The following TNRC6A variants were observed in gnomAD, a reference collection of about 807,000 sequenced individuals.
The protein encoded by TNRC6A is trinucleotide repeat-containing gene 6A protein.
Under a neutral mutation model 221.2 loss-of-function variants are expected in TNRC6A, and 44 were observed. That is an observed-to-expected ratio of 0.20 (90% CI 0.16 to 0.26). TNRC6A has a LOEUF of 0.26. Ranked by LOEUF, TNRC6A falls within the 10% of genes least tolerant of loss-of-function variation. The pLI is 1.00. For missense variants in TNRC6A, 2,199 were observed against 2,404.4 expected (o/e 0.91, Z 1.79); for synonymous variants, 847 against 838.5 (o/e 1.01, Z -0.18).
chr16:24,625,366 C>A (rs1900906303), intron 1 of TNRC6A, among the ~76,000 whole-genome samples: 1 of 152,200 alleles, frequency 6.6e-6, no homozygotes, highest in Admixed American at 6.5e-5. Context: ...GTAATCCCAG[C>A]ACTTTGGGAG....
At chr16:24,805,769 A>G (rs1567505511) in intron 15 of TNRC6A, 36 bp downstream of exon 15, 1 of 1,613,718 alleles carries the variant, frequency 6.2e-7, no homozygotes, top group Non-Finnish European at 8.5e-7. Context: ...GTACACATTT[A>G]TGGAGCATCT....
At chr16:24,646,051 T>TA (rs1262142478) in intron 2 of TNRC6A, among the ~76,000 whole-genome samples, 2 of 152,018 alleles carry the variant, frequency 1.3e-5, no homozygotes, top group Admixed American at 6.6e-5. Flanking sequence ...TGATTCATGT[T>TA]AAAAATATGC....
intron 2 of TNRC6A, among the ~76,000 whole-genome samples, chr16:24,737,934 CTG>C: frequency 6.6e-6 from 1 of 152,268 alleles, no homozygotes; most frequent in East Asian, 1.9e-4. Context: ...TGATAATTGA[CTG>C]TATAACTGAT....
intron 5 of TNRC6A, among the ~76,000 whole-genome samples, chr16:24,780,647 G>A (rs1490574776): frequency 6.6e-6 from 1 of 152,132 alleles, no homozygotes; most frequent in African/African-American, 2.4e-5. Flanking sequence ...GCGAAGGAAA[G>A]AGAGAGAATA....
chr16:24,794,471 A>T, intron 7 of TNRC6A, 73 bp from the exon 8 acceptor site: 1 of 1,501,782 alleles, frequency 6.7e-7, no homozygotes, highest in Non-Finnish European at 8.9e-7. Context: ...CCAATTTTTA[A>T]TATATACTTA....
intron 2 of TNRC6A, among the ~76,000 whole-genome samples, chr16:24,651,031 A>G (rs887653652): frequency 6.3e-5 from 9 of 142,944 alleles, no homozygotes; most frequent in Non-Finnish European, 1.1e-4. Context: ...CTATCAAACA[A>G]CGATAAATTG....
At chr16:24,736,161 C>T (rs149216412) in intron 2 of TNRC6A, among the ~76,000 whole-genome samples, 138 of 152,320 alleles carry the variant, frequency 9.1e-4, no homozygotes, top group African/African-American at 3.1e-3. Flanking sequence ...AAAAGCAAAA[C>T]TCTGTCTCAA....
At position 24,805,699 on chromosome 16, in the gene TNRC6A, A is replaced by G. The variant is rs1221377348; in HGVS notation, c.4217A>G (p.Gln1406Arg). ...GTAGCCATGCTGAACCAGCTATCCCAGCTAAACCAGCTTTCTCAGATCTCC... is the reference window on the plus strand; with the variant it reads ...GTAGCCATGCTGAACCAGCTATCCCGGCTAAACCAGCTTTCTCAGATCTCC... ...QQVAMLNQLS[Q>R]LNQLSQISQL... The change falls in exon 15 of 25, where the codon CAG (glutamine) becomes CGG (arginine). Residue 1406 changes from glutamine (Q) to arginine (R), a missense_variant. By Grantham distance (43) the Gln-to-Arg change is conservative (BLOSUM62 1). Coordinates refer to ENST00000395799, the MANE Select transcript of TNRC6A (RefSeq NM_014494.4). 1 of 1,614,218 alleles carries G rather than the reference A, an allele frequency of 6.2e-7. No homozygotes were observed.
intron 2 of TNRC6A, 31 bp from the exon 3 acceptor site, chr16:24,750,695 T>C (rs1189150829): frequency 2.0e-6 from 3 of 1,495,932 alleles, no homozygotes; most frequent in Non-Finnish European, 2.7e-6. Flanking sequence ...TAATACATTT[T>C]GGGAAACTTA....
At chr16:24,731,610 T>C (rs561825765) in intron 2 of TNRC6A, among the ~76,000 whole-genome samples, 36 of 152,344 alleles carry the variant, frequency 2.4e-4, no homozygotes, top group Non-Finnish European at 3.4e-4. Flanking sequence ...GAAAACAGGT[T>C]GAGCCATTAA....
intron 1 of TNRC6A, among the ~76,000 whole-genome samples, chr16:24,624,156 C>T (rs1026561903): frequency 1.3e-5 from 2 of 152,096 alleles, no homozygotes; most frequent in African/African-American, 4.8e-5. Context: ...TTCCATGGGT[C>T]ACATCCGTCA....
chr16:24,655,390 T>C (rs2054888873), intron 2 of TNRC6A, among the ~76,000 whole-genome samples: 2 of 152,202 alleles, frequency 1.3e-5, no homozygotes, highest in African/African-American at 4.8e-5. Context: ...GGGAACAGTC[T>C]TTTAAGAGTT....
At chr16:24,813,252 G>A (rs1051581422) in intron 18 of TNRC6A, among the ~76,000 whole-genome samples, 1 of 152,054 alleles carries the variant, frequency 6.6e-6, no homozygotes, top group Non-Finnish European at 1.5e-5. Context: ...GAGATATATT[G>A]CATACTGGTG....
At chr16:24,797,701 G>A (rs916389848) in intron 10 of TNRC6A, 131 bp downstream of exon 10, 6 of 910,602 alleles carry the variant, frequency 6.6e-6, no homozygotes, top group Non-Finnish European at 8.0e-6. Flanking sequence ...GAGTAAAATC[G>A]GCCTCCAAAC....
Position 24,790,780 on chromosome 16 carries a change from T to C in TNRC6A, c.2138T>C (p.Leu713Ser). The change falls in exon 6 of 25, where the codon TTA (leucine) becomes TCA (serine). Residue 713 changes from leucine (L) to serine (S), a missense_variant. Leu to Ser is a moderately radical substitution (Grantham distance 145, BLOSUM62 -2). Coordinates refer to ENST00000395799, the MANE Select transcript of TNRC6A (RefSeq NM_014494.4). ...CAAAGCATTGTAAACAGAACTGACT[T>C]AGATCCACGTGTCCTGTCCAACTCT... ...LLQSIVNRTD[L>S]DPRVLSNSGW... 6.2e-7 allele frequency: 1 copy of C among 1,614,144 alleles called. No individual in the cohort carries two copies. The highest frequency in any genetic ancestry group is 1.7e-5 in the Admixed American group (1 of 60,016).
At chr16:24,666,914 G>T (rs533562165) in intron 2 of TNRC6A, among the ~76,000 whole-genome samples, 1 of 151,494 alleles carries the variant, frequency 6.6e-6, no homozygotes, top group South Asian at 2.1e-4. Flanking sequence ...TCAGGAGTTC[G>T]AGAGCAGCCT....
intron 2 of TNRC6A, chr16:24,663,657 T>C (rs968033579): frequency 6.5e-6 from 2 of 305,820 alleles, no homozygotes; most frequent in Non-Finnish European, 6.5e-6. Flanking sequence ...TAGTCATATG[T>C]GCAGTGCTTA....
chr16:24,615,512 T>A (rs1900297072), intron 1 of TNRC6A, among the ~76,000 whole-genome samples: 1 of 152,078 alleles, frequency 6.6e-6, no homozygotes, highest in Non-Finnish European at 1.5e-5. Context: ...AGAAATCAGA[T>A]AATGGAGGCA....
At chr16:24,685,664 C>T (rs1388395887) in intron 2 of TNRC6A, among the ~76,000 whole-genome samples, 3 of 152,172 alleles carry the variant, frequency 2.0e-5, no homozygotes, top group African/African-American at 7.2e-5. Context: ...GCACAATGAT[C>T]TATTGCCCAA....
Sources: gnomAD v4.1 joint callset for allele counts (sites outside exome capture counted in the v4.1 genomes callset) on GRCh38, gnomAD v4.1.1 for gene constraint, MANE v1.5 for transcripts, NCBI Gene and HGNC (gene_info 2026-07-23, HGNC 2026-07-21) for gene names.